The following GPCPD1 variants were observed in gnomAD, a reference collection of about 807,000 sequenced individuals.
GPCPD1 encodes glycerophosphocholine phosphodiesterase 1, also known as glycerophosphocholine phosphodiesterase GPCPD1.
A neutral mutation model predicts 89.2 loss-of-function variants in GPCPD1; 29 were observed. That is an observed-to-expected ratio of 0.33 (90% confidence interval 0.24 to 0.44). The LOEUF is 0.44. Ranked by LOEUF, GPCPD1 falls within the 20% of genes least tolerant of loss-of-function variation. The pLI is 1.00. For missense variants in GPCPD1, 594 were observed against 808.9 expected, an observed-to-expected ratio of 0.73 and a Z score of 3.22; for synonymous variants, 258 against 266.3, an observed-to-expected ratio of 0.97 and a Z score of 0.30.
At chr20:5,562,135 T>G (rs1986120319) in intron 15 of GPCPD1, among the ~76,000 whole-genome samples, 1 of 152,224 alleles carries the variant, frequency 6.6e-6, no homozygotes, top group East Asian at 1.9e-4. Flanking sequence ...CAGATTATTT[T>G]GGCAGTTTTA....
chr20:5,554,966 A>T (rs1244442200), intron 19 of GPCPD1, among the ~76,000 whole-genome samples: 1 of 152,236 alleles, frequency 6.6e-6, no homozygotes, highest in Non-Finnish European at 1.5e-5. Flanking sequence ...CCTTCAGTGG[A>T]AGAAGTCACT....
chr20:5,573,426 C>T (rs1176862629), intron 11 of GPCPD1, among the ~76,000 whole-genome samples: 1 of 152,058 alleles, frequency 6.6e-6, no homozygotes, highest in African/African-American at 2.4e-5. Context: ...GTAATTGAGA[C>T]AAAAGAAAGT....
intron 8 of GPCPD1, among the ~76,000 whole-genome samples, chr20:5,576,519 A>T (rs1978289359): frequency 6.6e-6 from 1 of 152,184 alleles, no homozygotes. Flanking sequence ...TAAGAGATAC[A>T]ATCAAATTTA....
intron 4 of GPCPD1, 54 bp from the exon 5 acceptor site, chr20:5,586,323 C>G (rs550088351): frequency 1.1e-6 from 1 of 933,304 alleles, no homozygotes; most frequent in African/African-American, 1.6e-5. Context: ...TATTTTCTAC[C>G]CATGACTCCA....
rs150734510 is a variant in GPCPD1 at position 5,578,575 on chromosome 20, G to A, written c.510C>T (p.Asp170=). The change falls in exon 8 of 20, where the codon GAC becomes GAT. Residue 170 remains aspartate (D), a synonymous_variant. Transcript: ENST00000379019. ...KLTLEGLEED[D]DDRVSPTVLH... is the part of the protein sequence containing the mutation. ...GTACAGTGGGAGATACCCTATCATC[G>A]TCATCTTCCTCCAGGCCTTCTAGTG... 15,895 of 1,612,208 alleles carry A rather than the reference G, an allele frequency of 9.9e-3. 147 individuals carry two copies. Among genetic ancestry groups the A allele is most frequent in the Non-Finnish European group, 0.01 (12,268 of 1,178,278 alleles).
At chr20:5,599,553 C>G (rs1979978878) in intron 2 of GPCPD1, among the ~76,000 whole-genome samples, 1 of 152,080 alleles carries the variant, frequency 6.6e-6, no homozygotes, top group Admixed American at 6.6e-5. Context: ...GTTGGAAAAT[C>G]TAGTACTTCT....
rs1484879451 is a variant in GPCPD1, at chr20:5,610,844, C to CCGGGTTCGCTAGTCCG, written c.-47_-32dup. ...CCGCACCCGGCTCGCTGCCTCACCT[C>CCGGGTTCGCTAGTCCG]CGGGTTCGCTAGTCCGCAGGTCCGC... On this transcript the variant is annotated 5_prime_UTR_variant, in exon 1 of 20. Coordinates refer to ENST00000379019, the MANE Select transcript of GPCPD1 (RefSeq NM_019593.5). 6 of 151,526 alleles carry CCGGGTTCGCTAGTCCG rather than the reference C, an allele frequency of 4.0e-5. No individual in the cohort carries two copies. The highest frequency in any genetic ancestry group is 9.7e-5 in the African/African-American group (4 of 41,356). The allele number at this position is 151,526 out of a possible 1,614,324, so 9.4% of individuals were successfully genotyped here.
At chr20:5,609,242 C>T (rs1439932678) in intron 1 of GPCPD1, among the ~76,000 whole-genome samples, 1 of 152,134 alleles carries the variant, frequency 6.6e-6, no homozygotes. Flanking sequence ...TTTGATCCTC[C>T]TAACTAGCTA....
chr20:5,552,646 T>C (rs966146739), intron 19 of GPCPD1, among the ~76,000 whole-genome samples: 6 of 152,252 alleles, frequency 3.9e-5, no homozygotes, highest in Non-Finnish European at 5.9e-5. Flanking sequence ...TGTTCCAAAT[T>C]ATTTAAAATT....
intron 11 of GPCPD1, among the ~76,000 whole-genome samples, chr20:5,570,875 G>C (rs1986676570): frequency 6.6e-6 from 1 of 150,582 alleles, no homozygotes; most frequent in East Asian, 2.0e-4. Flanking sequence ...TTTCTAAAAA[G>C]CAGATCCACA....
intron 4 of GPCPD1, among the ~76,000 whole-genome samples, chr20:5,592,395 T>C (rs1979390336): frequency 1.3e-5 from 2 of 152,254 alleles, no homozygotes; most frequent in Admixed American, 1.3e-4. Context: ...GTTCAATTAC[T>C]GTGTATTCAC....
chr20:5,580,583 G>A (rs943148458), intron 6 of GPCPD1, among the ~76,000 whole-genome samples: 9 of 151,722 alleles, frequency 5.9e-5, no homozygotes, highest in African/African-American at 9.7e-5. Context: ...AAAAATAGCC[G>A]GGCGTGGTGG....
chr20:5,609,374 T>C (rs1980801524), intron 1 of GPCPD1, among the ~76,000 whole-genome samples: 2 of 152,246 alleles, frequency 1.3e-5, no homozygotes, highest in African/African-American at 2.4e-5. Flanking sequence ...GATTCCCATA[T>C]ACTTGAAGCC....
intron 2 of GPCPD1, among the ~76,000 whole-genome samples, chr20:5,604,038 C>T (rs572113429): frequency 3.3e-5 from 5 of 152,160 alleles, no homozygotes; most frequent in African/African-American, 9.7e-5. Flanking sequence ...TAAGCCACTG[C>T]GCCCGGCCTA....
chr20:5,568,944 A>T (rs761822278), intron 12 of GPCPD1, among the ~76,000 whole-genome samples: 18 of 152,148 alleles, frequency 1.2e-4, no homozygotes, highest in Non-Finnish European at 2.5e-4. Flanking sequence ...TAGATCAATT[A>T]ATCTCAATCT....
chr20:5,589,155 T>C (rs962816523), intron 4 of GPCPD1, among the ~76,000 whole-genome samples: 17 of 152,174 alleles, frequency 1.1e-4, no homozygotes, highest in Non-Finnish European at 4.4e-5. Context: ...GACAGAACTA[T>C]GTCTATCATC....
chr20:5,549,030 A>G lies in GPCPD1; in HGVS notation c.1830-1180T>C. 4 of 682,106 alleles carry G rather than the reference A, an allele frequency of 5.9e-6. No individual in the cohort carries two copies. The South Asian group carries it at 5.9e-5, about 10-fold the overall frequency. 42.3% of individuals were successfully genotyped at this position (682,106 alleles called of 1,614,324 possible). ...AACCTGCCGCTGATCTCTAAGTTTG[A>G]TCCTGTTGACTTTTGGGCTCTGTAC... is the stretch of plus-strand genomic sequence containing the variant. On this transcript the variant is annotated intron_variant, in intron 19 of 19. Coordinates refer to ENST00000379019, the MANE Select transcript of GPCPD1 (RefSeq NM_019593.5).
intron 2 of GPCPD1, among the ~76,000 whole-genome samples, chr20:5,599,090 G>C (rs1301239914): frequency 6.6e-6 from 1 of 152,190 alleles, no homozygotes; most frequent in Non-Finnish European, 1.5e-5. Flanking sequence ...CATTGAGCCA[G>C]TAACAAGAAC....
rs771221303 is a variant in GPCPD1 at position 5,593,317 on chromosome 20, G to T, written c.231+10C>A. 5.7e-6 allele frequency: 8 copies of T among 1,405,098 alleles called. No homozygotes were observed. In the African/African-American group the frequency reaches 1.1e-4, roughly 20 times the overall value. 87.0% of individuals were successfully genotyped at this position (1,405,098 alleles called of 1,614,324 possible). A position where few individuals can be genotyped will look rare whatever the true frequency, so the allele number is the denominator to read the frequency against. On this transcript the variant is annotated intron_variant, in intron 4 of 19. Transcript: ENST00000379019. ...CTAAAGGAATTGGAAACTAGATAAAGAAAACATACCTTTGGTTCTAAAAAG... is the reference window on the plus strand; with the variant it reads ...CTAAAGGAATTGGAAACTAGATAAATAAAACATACCTTTGGTTCTAAAAAG...
Sources: allele counts gnomAD v4.1 joint callset (sites outside exome capture counted in the v4.1 genomes callset), GRCh38; gene constraint gnomAD v4.1.1; transcripts MANE v1.5; gene names NCBI Gene and HGNC (gene_info 2026-07-23, HGNC 2026-07-21).